The following GABBR2 variants were observed in gnomAD, a reference collection of about 807,000 sequenced individuals.
GABBR2 encodes G-protein coupled receptor 51.
GABBR2 carries 23 observed loss-of-function variants against 105.6 expected under a neutral mutation model. The observed-to-expected ratio is 0.22, with a 90% CI of 0.16 to 0.31. The LOEUF (loss-of-function observed/expected upper bound fraction) is 0.31, where lower values mean the gene tolerates loss of function less well. GABBR2 is among the 10% of genes least tolerant of loss of function. The pLI, the probability that GABBR2 is intolerant of heterozygous loss-of-function variation, is 1.00. For synonymous variants in GABBR2, 478 were observed against 499.7 expected, an observed-to-expected ratio of 0.96 and a Z score of 0.58; for missense variants, 734 against 1,245.5, an observed-to-expected ratio of 0.59 and a Z score of 6.18.
At chr9:98,566,841 TAAGA>T (rs1481417952) in intron 2 of GABBR2, among the ~76,000 whole-genome samples, 2 of 100,756 alleles carry the variant, frequency 2.0e-5, no homozygotes, top group Non-Finnish European at 4.2e-5. Flanking sequence ...GAAAAAGAAA[TAAGA>T]AAGAAGAAGA....
Position 98,608,034 on chromosome 9 carries a change from G to C in GABBR2, c.322-29962C>G. ...ATTAGAGGAAAAACGTCATCAGTTAGAGGATGAGAAAGCAAACTGGGAAGC... is the reference window on the plus strand; with the variant it reads ...ATTAGAGGAAAAACGTCATCAGTTACAGGATGAGAAAGCAAACTGGGAAGC... On this transcript the variant is annotated intron_variant, in intron 1 of 18. Transcript: ENST00000259455. 6.9e-6 allele frequency: 9 copies of C among 1,304,842 alleles called. No homozygotes were observed. The South Asian group carries it at 1.1e-4, about 16-fold the overall frequency. The allele number at this position is 1,304,842 out of a possible 1,614,324, so 80.8% of individuals were successfully genotyped here.
chr9:98,708,670 A>G lies in GABBR2; in HGVS notation c.68T>C (p.Leu23Pro), dbSNP rs933385444. The G allele has an allele frequency of 1.1e-4, 126 of 1,177,138 alleles. No individual in the cohort carries two copies. The highest frequency in any genetic ancestry group is 1.3e-4 in the Non-Finnish European group (120 of 952,912). 72.9% of individuals were successfully genotyped at this position (1,177,138 alleles called of 1,614,324 possible). ...PPPPPPPPAR[L>P]LLLLLLPLLL... ...CAGCGGCAGCAGCAGTAGCAGTAGC[A>G]GGCGCGCGGGCGGCGGTGGCGGCGG... Residue 23 changes from leucine (L) to proline (P), a missense_variant, in exon 1 of 19, where the codon CTG becomes CCG. By Grantham distance (98) the Leu-to-Pro change is moderately conservative (BLOSUM62 -3). Transcript: ENST00000259455.
At chr9:98,607,829 C>A in intron 1 of GABBR2, 1 of 996,334 alleles carries the variant, frequency 1.0e-6, no homozygotes. Flanking sequence ...AAGAGCCCTC[C>A]GGCACAAATG....
At chr9:98,628,552 T>A (rs565275257) in intron 1 of GABBR2, among the ~76,000 whole-genome samples, 1 of 152,198 alleles carries the variant, frequency 6.6e-6, no homozygotes. Context: ...CTCTTTTATA[T>A]AAAAAGTATA....
At chr9:98,459,228 A>G (rs1370377617) in intron 6 of GABBR2, among the ~76,000 whole-genome samples, 1 of 152,224 alleles carries the variant, frequency 6.6e-6, no homozygotes, top group Non-Finnish European at 1.5e-5. Context: ...GAAATCGCTT[A>G]TATCAGACCA....
intron 13 of GABBR2, among the ~76,000 whole-genome samples, chr9:98,325,283 CTTTTTTTTTTTT>C (rs886288539): frequency 5.9e-5 from 4 of 67,618 alleles, no homozygotes; most frequent in African/African-American, 1.3e-4. Context: ...GACAGCAATT[CTTTTTTTTTTTT>C]TTTTTTTTTT....
At chr9:98,648,374 CCACCCACCT>C (rs1468951976) in intron 1 of GABBR2, among the ~76,000 whole-genome samples, 5 of 151,990 alleles carry the variant, frequency 3.3e-5, no homozygotes, top group Non-Finnish European at 5.9e-5. Context: ...CTCAGGTGAT[CCACCCACCT>C]CAGCCTCCCA....
intron 1 of GABBR2, among the ~76,000 whole-genome samples, chr9:98,636,985 C>T (rs1476484602): frequency 3.3e-5 from 5 of 152,102 alleles, no homozygotes; most frequent in Admixed American, 6.5e-5. Context: ...AGGGGAGGAA[C>T]GTTTGGAAAC....
chr9:98,494,978 G>T (rs1306341716), intron 4 of GABBR2, among the ~76,000 whole-genome samples: 11 of 152,220 alleles, frequency 7.2e-5, no homozygotes. Context: ...GAATGTCAGC[G>T]CAGCTGCAGG....
At chr9:98,536,473 G>A (rs765037398) in intron 3 of GABBR2, among the ~76,000 whole-genome samples, 13 of 152,100 alleles carry the variant, frequency 8.5e-5, no homozygotes, top group Non-Finnish European at 1.9e-4. Context: ...TGAAAAGGGG[G>A]AGAGACCCAA....
chr9:98,621,071 T>C (rs1829663824), intron 1 of GABBR2, among the ~76,000 whole-genome samples: 1 of 152,238 alleles, frequency 6.6e-6, no homozygotes, highest in Non-Finnish European at 1.5e-5. Flanking sequence ...AAAGCTCTTA[T>C]CTGCGCAGCA....
At chr9:98,421,842 C>T (rs565428977) in intron 7 of GABBR2, among the ~76,000 whole-genome samples, 4 of 152,106 alleles carry the variant, frequency 2.6e-5, no homozygotes, top group Admixed American at 2.6e-4. Context: ...GGATACGTGA[C>T]CAAGTAAAGG....
chr9:98,536,903 C>T (rs1828192099), intron 3 of GABBR2, among the ~76,000 whole-genome samples: 1 of 152,228 alleles, frequency 6.6e-6, no homozygotes, highest in Admixed American at 6.5e-5. Context: ...CCTTCTCCAT[C>T]CTGCTCCTCA....
chr9:98,689,023 A>C (rs1048913642), intron 1 of GABBR2, among the ~76,000 whole-genome samples: 3 of 152,230 alleles, frequency 2.0e-5, no homozygotes, highest in Non-Finnish European at 2.9e-5. Flanking sequence ...GGAGGTCACC[A>C]CTATCATGAA....
rs1830648468 is a variant in GABBR2, at chr9:98,688,535, T to A, written c.321+19882A>T. Among the ~76,000 whole-genome samples, 3 of 152,154 alleles carry A rather than the reference T, an allele frequency of 2.0e-5. No homozygotes were observed. In the South Asian group the frequency reaches 6.2e-4, roughly 32 times the overall value. On this transcript the variant is annotated intron_variant, in intron 1 of 18. Transcript: ENST00000259455. Reference sequence around the variant, plus strand: ...GCCTAAATAGACCATCTTTATCTCATTGAAAAATCATTAGATTTTGTCAAA... The same window carrying A: ...GCCTAAATAGACCATCTTTATCTCAATGAAAAATCATTAGATTTTGTCAAA...
intron 1 of GABBR2, chr9:98,606,991 G>C: frequency 2.4e-6 from 2 of 850,698 alleles, no homozygotes; most frequent in Non-Finnish European, 4.0e-6. Flanking sequence ...GCCCCATGTC[G>C]CTCGGTAGCT....
chr9:98,566,502 C>T (rs1041828186), intron 2 of GABBR2, among the ~76,000 whole-genome samples: 35 of 152,048 alleles, frequency 2.3e-4, no homozygotes, highest in African/African-American at 8.0e-4. Flanking sequence ...TGTGAAACTC[C>T]GTCTCTACTA....
intron 1 of GABBR2, among the ~76,000 whole-genome samples, chr9:98,647,188 C>A (rs1242090092): frequency 6.6e-6 from 1 of 152,230 alleles, no homozygotes; most frequent in African/African-American, 2.4e-5. Context: ...GAGCTCACCT[C>A]TAGGAAGAGG....
intron 12 of GABBR2, among the ~76,000 whole-genome samples, chr9:98,368,461 G>A (rs978716273): frequency 5.3e-5 from 8 of 152,120 alleles, no homozygotes; most frequent in Non-Finnish European, 1.2e-4. Flanking sequence ...GGCGGGGACC[G>A]AGTTTCCCCT....
Sources: gnomAD v4.1 joint callset for allele counts (sites outside exome capture counted in the v4.1 genomes callset) on GRCh38, gnomAD v4.1.1 for gene constraint, MANE v1.5 for transcripts, NCBI Gene and HGNC (gene_info 2026-07-23, HGNC 2026-07-21) for gene names.